The following SGCZ variants were observed in gnomAD, a reference collection of about 807,000 sequenced individuals.
The protein encoded by SGCZ is sarcoglycan zeta.
SGCZ carries 40 observed loss-of-function variants against 41.3 expected under a neutral mutation model. That is an observed-to-expected ratio of 0.97 (90% CI 0.75 to 1.26). The LOEUF is 1.26. SGCZ is among the 50% of genes most tolerant of loss of function. The pLI is 0.00. For missense variants in SGCZ, 552 were observed against 369.8 expected (o/e 1.49, Z -4.04); for synonymous variants, 206 against 137.5 (o/e 1.50, Z -3.49).
chr8:14,767,471 C>T (rs1384493902), intron 1 of SGCZ, among the ~76,000 whole-genome samples: 3 of 152,140 alleles, frequency 2.0e-5, no homozygotes, highest in Non-Finnish European at 4.4e-5. Context: ...CAATTTTACT[C>T]TAGCATTTTG....
At chr8:14,886,987 A>T (rs536148969) in intron 1 of SGCZ, among the ~76,000 whole-genome samples, 1 of 152,126 alleles carries the variant, frequency 6.6e-6, no homozygotes, top group South Asian at 2.1e-4. Flanking sequence ...CAAGAGGTCA[A>T]CGATGACGTC....
intron 1 of SGCZ, among the ~76,000 whole-genome samples, chr8:14,676,507 G>C (rs1424903652): frequency 6.6e-6 from 1 of 152,164 alleles, no homozygotes; most frequent in Non-Finnish European, 1.5e-5. Flanking sequence ...GACAGAGTGA[G>C]ACTCCATCTC....
In SGCZ at chr8:14,882,463, TG is replaced by T. The variant is rs1364314686; in HGVS notation, c.40-327538del. Among the ~76,000 whole-genome samples the T allele has an allele frequency of 3.3e-5, 5 of 152,316 alleles. No homozygotes were observed. The East Asian group carries it at 7.7e-4, about 23-fold the overall frequency. On this transcript the variant is annotated intron_variant, in intron 1 of 7. Transcript: ENST00000382080. ...TAAAATTATTTTCCTTCTATCTATG[TG>T]TTAGAGTGAATATCGTTGGTACTGT... is the stretch of plus-strand genomic sequence containing the variant.
intron 5 of SGCZ, among the ~76,000 whole-genome samples, chr8:14,157,411 G>T (rs1228701929): frequency 6.8e-6 from 1 of 147,234 alleles, no homozygotes. Flanking sequence ...GCCCATAGAA[G>T]CATCTCCCAA....
At chr8:14,135,955 A>G (rs1803184279) in intron 5 of SGCZ, among the ~76,000 whole-genome samples, 1 of 152,186 alleles carries the variant, frequency 6.6e-6, no homozygotes, top group Non-Finnish European at 1.5e-5. Flanking sequence ...AGAAGAGGAT[A>G]AAATACTAAC....
intron 3 of SGCZ, among the ~76,000 whole-genome samples, chr8:14,269,566 A>G (rs1429636265): frequency 6.6e-6 from 1 of 152,170 alleles, no homozygotes; most frequent in East Asian, 1.9e-4. Flanking sequence ...TATACTGCAC[A>G]TTCAGCTTTC....
intron 1 of SGCZ, among the ~76,000 whole-genome samples, chr8:14,660,571 C>CAAA (rs71304960): frequency 0.4 from 26,869 of 66,780 alleles, 4,481 homozygotes; most frequent in African/African-American, 0.53. Context: ...AACTCCATCT[C>CAAA]AAAAAAAAAA....
At chr8:14,149,951 T>C (rs10108456) in intron 5 of SGCZ, among the ~76,000 whole-genome samples, 58,588 of 151,882 alleles carry the variant, frequency 0.39, 11,591 homozygotes, top group Middle Eastern at 0.5. Flanking sequence ...ATAAATGGCA[T>C]TGGGATAACT....
chr8:15,122,018 T>G (rs1314167267), intron 1 of SGCZ, among the ~76,000 whole-genome samples: 3 of 151,966 alleles, frequency 2.0e-5, no homozygotes, highest in East Asian at 1.9e-4. Context: ...TACAAAAATT[T>G]CAGAAATTCT....
rs182073933 is a variant in SGCZ at position 15,192,059 on chromosome 8, G to C, written c.39+45526C>G. ...GTTAATATTTAGCACTTCATAATTA[G>C]AGCTACTATTATATTCCCAGTGTTT... On this transcript the variant is annotated intron_variant, in intron 1 of 7. Transcript: ENST00000382080. Among the ~76,000 whole-genome samples the C allele has an allele frequency of 1.3e-3, 195 of 152,168 alleles. 1 individual carries two copies. Among genetic ancestry groups the C allele is most frequent in the Non-Finnish European group, 2.0e-3 (139 of 67,992 alleles).
chr8:14,185,875 G>A (rs1357719918), intron 4 of SGCZ, among the ~76,000 whole-genome samples: 2 of 152,126 alleles, frequency 1.3e-5, no homozygotes, highest in African/African-American at 2.4e-5. Flanking sequence ...TTCTCATTTA[G>A]GTTCATGGCT....
chr8:14,521,214 G>T (rs982936513), intron 2 of SGCZ, among the ~76,000 whole-genome samples: 4 of 152,056 alleles, frequency 2.6e-5, no homozygotes, highest in Non-Finnish European at 5.9e-5. Context: ...CTGCCTGATT[G>T]CACCCACTCC....
chr8:14,998,148 TC>T (rs1392873713), intron 1 of SGCZ, among the ~76,000 whole-genome samples: 1 of 151,998 alleles, frequency 6.6e-6, no homozygotes, highest in African/African-American at 2.4e-5. Flanking sequence ...TAGCACGAAA[TC>T]ATCAATACTT....
chr8:14,557,697 C>T (rs1359543430), intron 1 of SGCZ, among the ~76,000 whole-genome samples: 1 of 151,928 alleles, frequency 6.6e-6, no homozygotes, highest in African/African-American at 2.4e-5. Context: ...TTCCCTACTT[C>T]GTGTTTTTGT....
At chr8:14,595,811 T>C (rs748722252) in intron 1 of SGCZ, among the ~76,000 whole-genome samples, 8 of 152,206 alleles carry the variant, frequency 5.3e-5, no homozygotes, top group Non-Finnish European at 1.0e-4. Context: ...AAAATTTAAT[T>C]GTTCTGACAA....
intron 4 of SGCZ, among the ~76,000 whole-genome samples, chr8:14,205,549 G>T (rs1181128662): frequency 3.3e-5 from 5 of 152,078 alleles, no homozygotes; most frequent in African/African-American, 1.2e-4. Context: ...ACCCACTACA[G>T]TTCAGGGCTG....
In SGCZ at chr8:14,641,875, G is replaced by T. The variant is rs547381413; in HGVS notation, c.40-86949C>A. ...TTACTGTAATTCTATTCTTTGCAGT[G>T]GTAGGTAATGAAAATTAGCAAAATA... is the stretch of plus-strand genomic sequence containing the variant. On this transcript the variant is annotated intron_variant, in intron 1 of 7. Coordinates refer to ENST00000382080, the MANE Select transcript of SGCZ (RefSeq NM_139167.4). 7.3e-5 allele frequency among the ~76,000 whole-genome samples: 11 copies of T among 151,694 alleles called. No individual in the cohort carries two copies. The East Asian group carries it at 1.9e-3, about 27-fold the overall frequency.
intron 4 of SGCZ, among the ~76,000 whole-genome samples, chr8:14,231,399 G>A (rs35755862): frequency 1.3e-5 from 2 of 151,750 alleles, no homozygotes; most frequent in African/African-American, 4.8e-5. Flanking sequence ...ATTTCATCAT[G>A]AGGTCATGTT....
chr8:14,645,478 T>TA (rs1807178145), intron 1 of SGCZ, among the ~76,000 whole-genome samples: 1 of 106,618 alleles, frequency 9.4e-6, no homozygotes, highest in Non-Finnish European at 2.1e-5. Flanking sequence ...ATATATATAT[T>TA]TATATGTATA....
Sources: allele counts gnomAD v4.1 joint callset (sites outside exome capture counted in the v4.1 genomes callset), GRCh38; gene constraint gnomAD v4.1.1; transcripts MANE v1.5; gene names NCBI Gene and HGNC (gene_info 2026-07-23, HGNC 2026-07-21).